Variants in GLI3 observed in about 807,000 individuals in gnomAD.
The protein encoded by GLI3 is GLI family zinc finger 3.
Under a neutral mutation model 100.8 loss-of-function variants are expected in GLI3, and 20 were observed. The ratio of observed to expected loss-of-function variants is 0.20; its 90% CI spans 0.14 to 0.29. GLI3 has a LOEUF of 0.29. Among genes scored for constraint, GLI3 ranks in the 10% least tolerant of loss-of-function variants. The pLI is 1.00. For synonymous variants in GLI3, 938 were observed against 860.5 expected, an observed-to-expected ratio of 1.09 and a Z score of -1.58; for missense variants, 2,040 against 2,128.5, an observed-to-expected ratio of 0.96 and a Z score of 0.82.
At chr7:42,029,118 TCTC>T (rs1369828891) in intron 7 of GLI3, among the ~76,000 whole-genome samples, 2 of 152,152 alleles carry the variant, frequency 1.3e-5, no homozygotes, top group East Asian at 1.9e-4. Context: ...ACAGAAACAT[TCTC>T]CTCCTCCTCG....
At chr7:42,071,849 A>G (rs1784790010) in intron 4 of GLI3, among the ~76,000 whole-genome samples, 1 of 152,166 alleles carries the variant, frequency 6.6e-6, no homozygotes, top group Admixed American at 6.5e-5. Context: ...AATGATCTTC[A>G]TAATACTGAG....
intron 2 of GLI3, among the ~76,000 whole-genome samples, chr7:42,219,691 C>G (rs780939723): frequency 6.6e-6 from 1 of 152,116 alleles, no homozygotes; most frequent in Non-Finnish European, 1.5e-5. Context: ...CAATGAAGAA[C>G]AAATTGCACC....
rs772880606 is a variant in GLI3 at position 41,972,472 on chromosome 7, G to A, written c.1968C>T (p.Ser656=). The change falls in exon 13 of 15, where the codon TCC becomes TCT. Residue 656 remains serine, a synonymous_variant. Coordinates refer to ENST00000395925, the MANE Select transcript of GLI3 (RefSeq NM_000168.6). The surrounding 1 kb of genome is among the most constrained non-coding windows in gnomAD (Gnocchi z 4.4). The part of the protein sequence containing the change: ...IHPRPPPPRD[S]GSHSQSRSPG... The stretch of plus-strand genomic sequence containing the variant: ...GCGACCTGGACTGTGAATGGCTGCC[G>A]GAATCTCTCGGGGGTGGCGGCCGAG... 17 of 1,613,606 alleles carry A rather than the reference G, an allele frequency of 1.1e-5. No individual in the cohort carries two copies. Among genetic ancestry groups the A allele is most frequent in the Admixed American group, 6.7e-5 (4 of 59,994 alleles).
chr7:41,977,402 A>T (rs1402479657), intron 12 of GLI3, among the ~76,000 whole-genome samples, 156 bp downstream of exon 12: 2 of 152,210 alleles, frequency 1.3e-5, no homozygotes, highest in African/African-American at 4.8e-5. Flanking sequence ...AGTCCCACCT[A>T]GGAAGCTCAA....
chr7:42,070,534 A>C (rs1214054261), intron 4 of GLI3, among the ~76,000 whole-genome samples: 1 of 152,234 alleles, frequency 6.6e-6, no homozygotes, highest in Non-Finnish European at 1.5e-5. Context: ...TTGTAAGCTG[A>C]GTAACTTCTC....
rs749401038 is a variant in GLI3, at chr7:41,966,352, G to A, written c.2721C>T (p.Ser907=). The A allele has an allele frequency of 1.4e-5, 22 of 1,607,876 alleles. No homozygotes were observed. Among genetic ancestry groups the A allele is most frequent in the Non-Finnish European group, 1.8e-5 (21 of 1,179,238 alleles). The change falls in exon 15 of 15, where the codon AGC becomes AGT. Residue 907 remains serine, a synonymous_variant. Transcript: ENST00000395925. The surrounding 1 kb of genome is among the most constrained non-coding windows in gnomAD (Gnocchi z 5.8). ...PISTDASRRS[S]EASQSDGLPS... The stretch of plus-strand genomic sequence containing the variant: ...GCAGGCCGTCGCTCTGGCTGGCTTC[G>A]CTGGAGCGGCGCGAGGCGTCGGTGG...
intron 2 of GLI3, 23 bp downstream of exon 2, chr7:42,223,107 C>CT: frequency 1.2e-6 from 2 of 1,613,304 alleles, no homozygotes; most frequent in African/African-American, 1.3e-5. Flanking sequence ...GGCTGGGCTG[C>CT]TGGTAATCCC....
chr7:42,234,907 T>C (rs116665407), intron 1 of GLI3, among the ~76,000 whole-genome samples: 207 of 152,334 alleles, frequency 1.4e-3, no homozygotes, highest in African/African-American at 4.4e-3. Flanking sequence ...AAATGTTATT[T>C]CATGTTTGTT....
At chr7:42,140,734 G>C (rs766614244) in intron 3 of GLI3, among the ~76,000 whole-genome samples, 1 of 152,184 alleles carries the variant, frequency 6.6e-6, no homozygotes, top group Non-Finnish European at 1.5e-5. Context: ...TTACAGGTAT[G>C]AGATCAAGAA....
At chr7:42,061,972 C>T (rs943645992) in intron 4 of GLI3, among the ~76,000 whole-genome samples, 3 of 152,170 alleles carry the variant, frequency 2.0e-5, no homozygotes, top group Non-Finnish European at 4.4e-5. Context: ...TCTGCAGTTC[C>T]TTCTTCAGAG....
At chr7:42,059,558 C>G (rs1784527082) in intron 4 of GLI3, among the ~76,000 whole-genome samples, 1 of 151,918 alleles carries the variant, frequency 6.6e-6, no homozygotes, top group Admixed American at 6.6e-5. Flanking sequence ...CTATGTCCAT[C>G]TTTACAATGT....
At chr7:42,182,662 A>ATATACGTGTGTG (rs750131355) in intron 2 of GLI3, among the ~76,000 whole-genome samples, 9,861 of 76,662 alleles carry the variant, frequency 0.13, 763 homozygotes, top group Non-Finnish European at 0.18. Flanking sequence ...ATATATATAT[A>ATATACGTGTGTG]TATATATATA....
chr7:41,982,697 CAAAAAA>C (rs200821387), intron 10 of GLI3, among the ~76,000 whole-genome samples: 6 of 114,766 alleles, frequency 5.2e-5, no homozygotes, highest in Admixed American at 8.7e-5. Context: ...GAACTTGTCT[CAAAAAA>C]AAAAAAAAAA....
chr7:42,153,507 G>A (rs185690914), intron 2 of GLI3, among the ~76,000 whole-genome samples: 2 of 138,894 alleles, frequency 1.4e-5, no homozygotes, highest in East Asian at 4.6e-4. Context: ...GGCTTTCCCA[G>A]AAAAGTGGCA....
chr7:42,078,864 G>A (rs1345953666), intron 3 of GLI3, among the ~76,000 whole-genome samples: 1 of 151,764 alleles, frequency 6.6e-6, no homozygotes, highest in Non-Finnish European at 1.5e-5. Context: ...CAAGTAGCTG[G>A]GACTACAGGC....
At chr7:42,016,724 T>C (rs573864578) in intron 10 of GLI3, among the ~76,000 whole-genome samples, 33 of 152,110 alleles carry the variant, frequency 2.2e-4, no homozygotes, top group Non-Finnish European at 3.8e-4. Context: ...ATCATCATCA[T>C]CACCACCATC....
intron 3 of GLI3, among the ~76,000 whole-genome samples, chr7:42,105,735 G>C (rs1024894486): frequency 6.6e-6 from 1 of 152,118 alleles, no homozygotes; most frequent in African/African-American, 2.4e-5. Flanking sequence ...TTAATAGACT[G>C]TGTGTGTCCA....
At chr7:42,234,364 G>C (rs113982510) in intron 1 of GLI3, among the ~76,000 whole-genome samples, 2,560 of 152,332 alleles carry the variant, frequency 0.017, 28 homozygotes, top group South Asian at 0.036. Context: ...CACAGAGGAA[G>C]TCTGAAATGC....
chr7:42,048,516 T>A lies in GLI3; in HGVS notation c.654A>T (p.Ala218=), dbSNP rs1367965821. The A allele has an allele frequency of 6.2e-7, 1 of 1,612,288 alleles. No homozygotes were observed. The highest frequency in any genetic ancestry group is 1.7e-5 in the Admixed American group (1 of 59,942). The change falls in exon 5 of 15, where the codon GCA becomes GCT. Residue 218 remains alanine (A), a synonymous_variant. Coordinates refer to ENST00000395925, the MANE Select transcript of GLI3 (RefSeq NM_000168.6). The part of the protein sequence containing the change: ...HSSPSLSMIS[A]TRGLSPTDAP... ...CATCTGTAGGGCTCAGCCCACGGGT[T>A]GCTGAGATCATGGAGAGCGATGGGC...
Sources: allele counts gnomAD v4.1 joint callset (sites outside exome capture counted in the v4.1 genomes callset), GRCh38; gene constraint gnomAD v4.1.1; non-coding constraint Gnocchi (gnomAD v3.1); transcripts MANE v1.5; gene names NCBI Gene and HGNC (gene_info 2026-07-23, HGNC 2026-07-21).